TMEM135: variants seen among roughly 807,000 people sequenced by gnomAD.
The protein encoded by TMEM135 is peroxisomal membrane protein 52.
TMEM135 carries 30 observed loss-of-function variants against 60.3 expected under a neutral mutation model. That is an observed-to-expected ratio of 0.50 (90% confidence interval 0.37 to 0.68). The LOEUF (loss-of-function observed/expected upper bound fraction) is 0.68, where lower values mean the gene tolerates loss of function less well. Ranked by LOEUF, TMEM135 falls within the 30% of genes least tolerant of loss-of-function variation. The probability of loss-of-function intolerance (pLI) is 0.00; values close to 1 mark genes in which losing one functional copy is unlikely to be tolerated. For synonymous variants in TMEM135, 190 were observed against 186.7 expected (o/e 1.02, Z -0.14); for missense variants, 468 against 548.8 (o/e 0.85, Z 1.47).
chr11:87,324,853 C>T lies in TMEM135; in HGVS notation c.*3520C>T, dbSNP rs1468932014. 2.2e-6 allele frequency: 1 copy of T among 453,862 alleles called. No individual in the cohort carries two copies. The highest frequency in any genetic ancestry group is 4.4e-6 in the Non-Finnish European group (1 of 226,728). 28.1% of individuals were successfully genotyped at this position (453,862 alleles called of 1,614,324 possible). ...TTATAAACATTCTCTCTCCTAACAC[C>T]TCCTTCTAGTAATCATTTTCACATA... On this transcript the variant is annotated 3_prime_UTR_variant, in exon 15 of 15. Coordinates refer to ENST00000305494, the MANE Select transcript of TMEM135 (RefSeq NM_022918.4).
intron 3 of TMEM135, among the ~76,000 whole-genome samples, chr11:87,084,974 G>C (rs1857065379): frequency 1.3e-5 from 2 of 151,814 alleles, no homozygotes; most frequent in African/African-American, 4.8e-5. Context: ...AGATAACTTG[G>C]TTTCCAAAGA....
chr11:87,220,916 G>A (rs541273834), intron 5 of TMEM135, among the ~76,000 whole-genome samples: 95 of 152,192 alleles, frequency 6.2e-4, no homozygotes, highest in African/African-American at 2.2e-3. Flanking sequence ...ATACATCCAT[G>A]TTACTGCTAT....
At chr11:87,314,447 G>A in intron 11 of TMEM135, 24 bp from the exon 12 acceptor site, 1 of 1,574,662 alleles carries the variant, frequency 6.4e-7, no homozygotes, top group South Asian at 1.1e-5. Context: ...GATCTTATCA[G>A]TTATTTCTTA....
At chr11:87,152,441 C>G (rs1282263519) in intron 4 of TMEM135, among the ~76,000 whole-genome samples, 1 of 151,996 alleles carries the variant, frequency 6.6e-6, no homozygotes, top group Non-Finnish European at 1.5e-5. Flanking sequence ...TTCTGGAATG[C>G]CTTCTGATTC....
In TMEM135 at chr11:87,139,571, T is replaced by A. The variant is rs192651222; in HGVS notation, c.397-17770T>A. On this transcript the variant is annotated intron_variant, in intron 4 of 14. Transcript: ENST00000305494. ...TTTATCTTGGGTAGATACCTAGGGA[T>A]AGAATTGCTGGGCCTCATGGTAAGT... Among the ~76,000 whole-genome samples, 16 of 152,310 alleles carry A rather than the reference T, an allele frequency of 1.1e-4. No individual in the cohort carries two copies. The East Asian group carries it at 2.9e-3, about 28-fold the overall frequency.
intron 6 of TMEM135, among the ~76,000 whole-genome samples, chr11:87,247,343 A>G (rs546127138): frequency 1.5e-3 from 228 of 152,322 alleles, no homozygotes; most frequent in Non-Finnish European, 2.7e-3. Context: ...CCGTTCTCAG[A>G]TCTCCAGCTG....
intron 7 of TMEM135, among the ~76,000 whole-genome samples, chr11:87,298,216 T>C (rs12279942): frequency 0.32 from 48,949 of 151,988 alleles, 9,438 homozygotes; most frequent in Non-Finnish European, 0.44. Context: ...ATGCTTTTTG[T>C]AGCACAATTT....
intron 5 of TMEM135, among the ~76,000 whole-genome samples, chr11:87,174,089 G>A (rs572643262): frequency 6.6e-6 from 1 of 152,206 alleles, no homozygotes; most frequent in Admixed American, 6.5e-5. Context: ...TTATAACATG[G>A]TGAAAACTTA....
chr11:87,270,312 G>A (rs1000131906), intron 6 of TMEM135, among the ~76,000 whole-genome samples: 4 of 151,740 alleles, frequency 2.6e-5, no homozygotes, highest in African/African-American at 9.7e-5. Flanking sequence ...TCACTCTGAT[G>A]GTAGTTTCTT....
intron 4 of TMEM135, among the ~76,000 whole-genome samples, chr11:87,125,510 C>T (rs1937701893): frequency 6.6e-6 from 1 of 152,124 alleles, no homozygotes; most frequent in Admixed American, 6.5e-5. Context: ...CCCAAGATGA[C>T]AACAAGTTTG....
At chr11:87,182,126 A>G (rs192994802) in intron 5 of TMEM135, among the ~76,000 whole-genome samples, 56 of 152,152 alleles carry the variant, frequency 3.7e-4, no homozygotes, top group Admixed American at 1.2e-3. Context: ...TGAAGTTTCT[A>G]CTTATTGCCT....
At chr11:87,241,840 C>CT (rs36046598) in intron 6 of TMEM135, among the ~76,000 whole-genome samples, 12 of 145,748 alleles carry the variant, frequency 8.2e-5, no homozygotes, top group East Asian at 3.9e-4. Context: ...AAATGACAGC[C>CT]TTTTTTTTTA....
At chr11:87,103,335 T>C (rs1591021397) in intron 4 of TMEM135, among the ~76,000 whole-genome samples, 1 of 152,310 alleles carries the variant, frequency 6.6e-6, no homozygotes, top group African/African-American at 2.4e-5. Flanking sequence ...CTCCAGGTAC[T>C]TGCCAACACT....
At chr11:87,210,373 C>A (rs1318487249) in intron 5 of TMEM135, among the ~76,000 whole-genome samples, 1 of 152,102 alleles carries the variant, frequency 6.6e-6, no homozygotes, top group Non-Finnish European at 1.5e-5. Context: ...TATTCTCAGA[C>A]TATTACAGAT....
At chr11:87,195,367 TTCCTTCCTTCCTTCCTTCCTTCCTTC>T (rs1939919189) in intron 5 of TMEM135, among the ~76,000 whole-genome samples, 6 of 122,760 alleles carry the variant, frequency 4.9e-5, no homozygotes, top group South Asian at 2.9e-4. Context: ...CCTTCCTTCC[TTCCTTCCTTCCTTCCTTCCTTCCTTC>T]TCTCTCTCTC....
chr11:87,117,044 A>C (rs749967729), intron 4 of TMEM135, among the ~76,000 whole-genome samples: 10 of 152,134 alleles, frequency 6.6e-5, no homozygotes, highest in Non-Finnish European at 1.5e-4. Flanking sequence ...GCTGGTCTCT[A>C]ACTTCTGACC....
intron 5 of TMEM135, among the ~76,000 whole-genome samples, chr11:87,231,929 A>C (rs1224744371): frequency 6.6e-6 from 1 of 151,904 alleles, no homozygotes; most frequent in Non-Finnish European, 1.5e-5. Flanking sequence ...AGACCATCTA[A>C]AATGAAACAT....
chr11:87,258,937 A>C, intron 6 of TMEM135: 3 of 1,443,930 alleles, frequency 2.1e-6, no homozygotes, highest in Admixed American at 3.4e-5. Flanking sequence ...CTGCTGCTGC[A>C]GTTGCTGCTG....
chr11:87,215,227 C>A lies in TMEM135; in HGVS notation c.463-21411C>A, dbSNP rs775187311. Reference sequence around the variant, plus strand: ...ACTGAATTGGATAGGGTTCTTTGTTCTACCTAAGTGATTTCCAGGTAACTA... The same window carrying A: ...ACTGAATTGGATAGGGTTCTTTGTTATACCTAAGTGATTTCCAGGTAACTA... On this transcript the variant is annotated intron_variant, in intron 5 of 14. Transcript: ENST00000305494. Among the ~76,000 whole-genome samples the A allele has an allele frequency of 4.3e-4, 65 of 152,212 alleles. No homozygotes were observed. The Middle Eastern group carries it at 0.014, about 32-fold the overall frequency.
Sources: allele counts gnomAD v4.1 joint callset (sites outside exome capture counted in the v4.1 genomes callset), GRCh38; gene constraint gnomAD v4.1.1; transcripts MANE v1.5; gene names NCBI Gene and HGNC (gene_info 2026-07-23, HGNC 2026-07-21).